The following NCAM2 variants were observed in gnomAD, a reference collection of about 807,000 sequenced individuals.
NCAM2 encodes the protein neural cell adhesion molecule 2, also known as N-CAM-2.
Under a neutral mutation model 98.1 loss-of-function variants are expected in NCAM2, and 30 were observed. The observed-to-expected ratio is 0.31, with a 90% CI of 0.23 to 0.41. The LOEUF is 0.41. NCAM2 is among the 10% of genes least tolerant of loss of function. NCAM2 has a pLI of 1.00. For missense variants in NCAM2, 867 were observed against 1,005.8 expected (o/e 0.86, Z 1.87); for synonymous variants, 368 against 342.4 (o/e 1.07, Z -0.83).
chr21:21,215,193 A>C (rs1280363012), intron 1 of NCAM2, among the ~76,000 whole-genome samples: 1 of 152,124 alleles, frequency 6.6e-6, no homozygotes, highest in Non-Finnish European at 1.5e-5. Flanking sequence ...TATATGCATA[A>C]AATTATCTGT....
rs1005227984 is a variant in NCAM2, at chr21:21,208,844, C to T, written c.56-71734C>T. Among the ~76,000 whole-genome samples the T allele has an allele frequency of 9.9e-5, 15 of 152,090 alleles. No individual in the cohort carries two copies. In the South Asian group the frequency reaches 3.1e-3, roughly 32 times the overall value. On this transcript the variant is annotated intron_variant, in intron 1 of 17. Coordinates refer to ENST00000400546, the MANE Select transcript of NCAM2 (RefSeq NM_004540.5). ...ATGCTCAGTAAGTTTTTAGATTCAA[C>T]CTAAAATTATCTTATATTTATAAAT...
chr21:21,446,577 A>G (rs1282208034), intron 12 of NCAM2, among the ~76,000 whole-genome samples: 2 of 152,156 alleles, frequency 1.3e-5, no homozygotes, highest in African/African-American at 4.8e-5. Context: ...AAAGAAATAA[A>G]GAGTATTCAA....
At chr21:21,151,808 G>A (rs556371970) in intron 1 of NCAM2, among the ~76,000 whole-genome samples, 1 of 151,928 alleles carries the variant, frequency 6.6e-6, no homozygotes, top group South Asian at 2.1e-4. Context: ...TTTCTTGTTT[G>A]CATTATTCCT....
At chr21:21,110,573 A>G (rs2066434441) in intron 1 of NCAM2, among the ~76,000 whole-genome samples, 1 of 151,032 alleles carries the variant, frequency 6.6e-6, no homozygotes, top group Admixed American at 6.6e-5. Context: ...AATATGAACA[A>G]AAAATAACTC....
At chr21:21,109,716 T>C (rs183551244) in intron 1 of NCAM2, among the ~76,000 whole-genome samples, 1 of 152,296 alleles carries the variant, frequency 6.6e-6, no homozygotes, top group Non-Finnish European at 1.5e-5. Flanking sequence ...TGTGATTCAA[T>C]TACAATAGTA....
At chr21:21,223,816 T>G (rs919828411) in intron 1 of NCAM2, 2 of 152,148 alleles carry the variant, frequency 1.3e-5, no homozygotes, top group African/African-American at 4.8e-5. Flanking sequence ...ACTGCCAAAC[T>G]GCATACAATA....
chr21:21,080,681 C>CAAAAA (rs1491234603), intron 1 of NCAM2, among the ~76,000 whole-genome samples: 1 of 60,892 alleles, frequency 1.6e-5, no homozygotes. Flanking sequence ...AAAAAAAAAA[C>CAAAAA]CAACATTGAT....
chr21:21,510,126 C>A (rs1362344674), intron 16 of NCAM2, among the ~76,000 whole-genome samples: 1 of 152,138 alleles, frequency 6.6e-6, no homozygotes, highest in East Asian at 1.9e-4. Context: ...TTCAAAAAAT[C>A]ATCACACAAC....
intron 6 of NCAM2, among the ~76,000 whole-genome samples, chr21:21,331,313 T>C (rs183705773): frequency 9.2e-4 from 139 of 150,862 alleles, no homozygotes; most frequent in African/African-American, 3.2e-3. Flanking sequence ...ACTTTTTAAT[T>C]ACTATTTAGA....
intron 15 of NCAM2, among the ~76,000 whole-genome samples, chr21:21,497,615 T>C (rs1987334205): frequency 1.3e-5 from 2 of 152,268 alleles, no homozygotes; most frequent in South Asian, 4.1e-4. Flanking sequence ...ACAAAACAAT[T>C]ATTTATACGT....
chr21:21,209,861 T>C (rs950801277), intron 1 of NCAM2, among the ~76,000 whole-genome samples: 16 of 152,200 alleles, frequency 1.1e-4, no homozygotes, highest in African/African-American at 3.9e-4. Flanking sequence ...ACATTATTAC[T>C]TTCCCCTCAA....
At chr21:21,052,150 A>ATTTTTTTTTTTTTTTT (rs5842877) in intron 1 of NCAM2, among the ~76,000 whole-genome samples, 10 of 74,808 alleles carry the variant, frequency 1.3e-4, no homozygotes, top group African/African-American at 5.8e-4. Flanking sequence ...CATGATGGCC[A>ATTTTTTTTTTTTTTTT]TTTTTTTTTT....
chr21:21,005,938 G>A (rs1330886630), intron 1 of NCAM2, among the ~76,000 whole-genome samples: 1 of 152,094 alleles, frequency 6.6e-6, no homozygotes, highest in Non-Finnish European at 1.5e-5. Flanking sequence ...CCTCTTCTAT[G>A]CCAGAGAGCT....
intron 12 of NCAM2, among the ~76,000 whole-genome samples, chr21:21,438,916 C>T (rs114219283): frequency 0.018 from 2,721 of 152,012 alleles, 94 homozygotes; most frequent in African/African-American, 0.062. Context: ...GACCCCGTCT[C>T]TCTAAAAAAA....
At chr21:21,491,753 T>C (rs953592523) in intron 15 of NCAM2, among the ~76,000 whole-genome samples, 4 of 151,536 alleles carry the variant, frequency 2.6e-5, no homozygotes, top group Non-Finnish European at 5.9e-5. Flanking sequence ...GTCCAAAATG[T>C]ATATTTTAAT....
intron 9 of NCAM2, among the ~76,000 whole-genome samples, chr21:21,409,158 C>G (rs145446868): frequency 1.5e-3 from 234 of 152,172 alleles, no homozygotes; most frequent in African/African-American, 5.0e-3. Context: ...AAAATCTTCT[C>G]AAATAATTAT....
chr21:21,503,054 T>C (rs1987737739), intron 15 of NCAM2, among the ~76,000 whole-genome samples: 1 of 151,906 alleles, frequency 6.6e-6, no homozygotes, highest in Admixed American at 6.6e-5. Context: ...GACAAATATT[T>C]TAATATTGCA....
chr21:21,348,240 G>T (rs113427381), intron 8 of NCAM2, among the ~76,000 whole-genome samples: 3 of 152,006 alleles, frequency 2.0e-5, no homozygotes. Flanking sequence ...AAAACTGTCA[G>T]AACTGATAAA....
intron 1 of NCAM2, among the ~76,000 whole-genome samples, chr21:21,279,875 G>C (rs1329800343): frequency 6.6e-6 from 1 of 152,226 alleles, no homozygotes; most frequent in East Asian, 1.9e-4. Context: ...AGTTTGGAAA[G>C]TGGTCATGCT....
Sources: allele counts gnomAD v4.1 joint callset (sites outside exome capture counted in the v4.1 genomes callset), GRCh38; gene constraint gnomAD v4.1.1; transcripts MANE v1.5; gene names NCBI Gene and HGNC (gene_info 2026-07-23, HGNC 2026-07-21).